The following ZCCHC9 variants were observed in gnomAD, a reference collection of about 807,000 sequenced individuals.
The protein encoded by ZCCHC9 is zinc finger CCHC domain-containing protein 9.
In ZCCHC9, 18 loss-of-function variants were observed where a neutral mutation model predicts 30.8. The observed-to-expected ratio is 0.58, with a 90% CI of 0.40 to 0.87. The LOEUF (loss-of-function observed/expected upper bound fraction) is 0.87. Ranked by LOEUF, ZCCHC9 falls within the 40% of genes least tolerant of loss-of-function variation. The pLI is 0.00. For missense variants in ZCCHC9, 279 were observed against 331.2 expected (o/e 0.84, Z 1.22); for synonymous variants, 94 against 106.7 (o/e 0.88, Z 0.73).
chr5:81,312,260 T>A (rs1758312781), intron 5 of ZCCHC9, among the ~76,000 whole-genome samples: 1 of 152,244 alleles, frequency 6.6e-6, no homozygotes, highest in Admixed American at 6.5e-5. Flanking sequence ...TCATTGACTC[T>A]GTAATGATGA....
Position 81,304,911 on chromosome 5 carries a change from G to T in ZCCHC9, c.154G>T (p.Asp52Tyr), listed in dbSNP as rs752926325. The T allele has an allele frequency of 6.2e-7, 1 of 1,613,888 alleles. No homozygotes were observed. The highest frequency in any genetic ancestry group is 8.5e-7 in the Non-Finnish European group (1 of 1,179,998). ...LEANRLSLKNDAPQAKHKKNK... is the reference protein window; with the variant it reads ...LEANRLSLKNYAPQAKHKKNK... The stretch of plus-strand genomic sequence containing the variant: ...AGCCAATAGGCTATCCCTCAAAAAT[G>T]ATGCACCCCAAGCAAAACATAAAAA... Residue 52 changes from aspartate (D) to tyrosine (Y), a missense_variant, in exon 2 of 6, where the codon GAT becomes TAT. Physicochemically the swap from Asp to Tyr is radical, Grantham distance 160. Coordinates refer to ENST00000407610, the MANE Select transcript of ZCCHC9 (RefSeq NM_001131035.2).
chr5:81,305,228 C>T (rs1196127220), intron 2 of ZCCHC9, 87 bp downstream of exon 2: 1 of 1,481,050 alleles, frequency 6.8e-7, no homozygotes, highest in African/African-American at 1.4e-5. Context: ...TTAGCCAGCT[C>T]TGGTTACCAT....
chr5:81,306,914 C>T (rs1256654694), intron 2 of ZCCHC9, among the ~76,000 whole-genome samples: 2 of 152,132 alleles, frequency 1.3e-5, no homozygotes, highest in Non-Finnish European at 2.9e-5. Flanking sequence ...GTAGCTTTTC[C>T]TGCATTTGTA....
chr5:81,310,293 C>T (rs1402759685), intron 4 of ZCCHC9, among the ~76,000 whole-genome samples: 4 of 151,732 alleles, frequency 2.6e-5, no homozygotes, highest in South Asian at 2.1e-4. Context: ...GGGCTTTCTG[C>T]GATTTGTTTT....
At position 81,311,993 on chromosome 5, in the gene ZCCHC9, T is replaced by G. The variant is rs374588868; in HGVS notation, c.698-551T>G. Among the ~76,000 whole-genome samples the G allele has an allele frequency of 5.3e-5, 8 of 152,340 alleles. No homozygotes were observed. In the East Asian group the frequency reaches 1.3e-3, roughly 26 times the overall value. On this transcript the variant is annotated intron_variant, in intron 5 of 5. Coordinates refer to ENST00000407610, the MANE Select transcript of ZCCHC9 (RefSeq NM_001131035.2). ...ACACTACGCAAATAAGTCTGCTCAT[T>G]CTTACTTCCTATCCCTAACATTTAA...
Position 81,308,571 on chromosome 5 carries a change from A to G in ZCCHC9, c.395A>G (p.His132Arg), listed in dbSNP as rs1343483337. ...GTTTTGTTTTCCTAGGTGTGTTTCC[A>G]TTGTAGAAAACCTGGTCATGGAATT... Reference protein sequence around the residue: ...AAKKNAMVCFHCRKPGHGIAD... With the variant: ...AAKKNAMVCFRCRKPGHGIAD... Residue 132 changes from histidine to arginine, a missense_variant, in exon 3 of 6, where the codon CAT (histidine) becomes CGT (arginine). His to Arg is a conservative substitution (Grantham distance 29). Coordinates refer to ENST00000407610, the MANE Select transcript of ZCCHC9 (RefSeq NM_001131035.2). 1.2e-6 allele frequency: 2 copies of G among 1,611,712 alleles called. No homozygotes were observed. The highest frequency in any genetic ancestry group is 2.2e-5 in the East Asian group (1 of 44,812).
At chr5:81,305,971 A>T (rs992852138) in intron 2 of ZCCHC9, among the ~76,000 whole-genome samples, 4 of 152,166 alleles carry the variant, frequency 2.6e-5, no homozygotes, top group African/African-American at 9.7e-5. Flanking sequence ...GTAATAGCAG[A>T]ATTGAAAGTC....
intron 2 of ZCCHC9, among the ~76,000 whole-genome samples, chr5:81,308,058 T>TATC (rs1561305989): frequency 1.4e-5 from 2 of 147,292 alleles, no homozygotes; most frequent in Non-Finnish European, 1.5e-5. Context: ...TCTATCTATC[T>TATC]TATGGTTTGA....
At chr5:81,306,061 C>G (rs6863732) in intron 2 of ZCCHC9, among the ~76,000 whole-genome samples, 70,647 of 151,986 alleles carry the variant, frequency 0.46, 17,256 homozygotes, top group African/African-American at 0.58. Flanking sequence ...GTTTCTTTCT[C>G]TAATGCCTAG....
Position 81,312,449 on chromosome 5 carries a change from A to G in ZCCHC9, c.698-95A>G, listed in dbSNP as rs751256600. ...GTCTTCCCTCCTTGTGATTATTCAT[A>G]TCAAAATGAGTTCCTTTCCCAAACC... On this transcript the variant is annotated intron_variant, in intron 5 of 5. Transcript: ENST00000407610. 1.4e-4 allele frequency: 134 copies of G among 929,836 alleles called. No individual in the cohort carries two copies. The Middle Eastern group carries it at 1.5e-3, about 11-fold the overall frequency. The allele number at this position is 929,836 out of a possible 1,614,324, so 57.6% of individuals were successfully genotyped here. A position where few individuals can be genotyped will look rare whatever the true frequency, so the allele number is the denominator to read the frequency against.
chr5:81,306,112 C>T (rs1256930934), intron 2 of ZCCHC9, among the ~76,000 whole-genome samples: 1 of 152,162 alleles, frequency 6.6e-6, no homozygotes, highest in East Asian at 1.9e-4. Flanking sequence ...GGATGAAATA[C>T]TTGGTATAAT....
intron 4 of ZCCHC9, among the ~76,000 whole-genome samples, chr5:81,310,071 T>C (rs1239867514): frequency 2.0e-5 from 3 of 151,170 alleles, no homozygotes; most frequent in African/African-American, 7.3e-5. Flanking sequence ...CTCAGGTGCA[T>C]TTCAGTTTTG....
rs368685227 is a variant in ZCCHC9, at chr5:81,308,521, A to G, written c.385-40A>G. 35 of 1,555,084 alleles carry G rather than the reference A, an allele frequency of 2.3e-5. No homozygotes were observed. In the African/African-American group the frequency reaches 3.7e-4, roughly 17 times the overall value. On this transcript the variant is annotated intron_variant, in intron 2 of 5. Coordinates refer to ENST00000407610, the MANE Select transcript of ZCCHC9 (RefSeq NM_001131035.2). ...AACAAGAATTAATAAAGTCACTGGT[A>G]TAGTTTTGCAGCGTGCCAACCTACG... is the stretch of plus-strand genomic sequence containing the variant.
chr5:81,301,975 G>A (rs534516616), intron 1 of ZCCHC9: 113 of 152,366 alleles, frequency 7.4e-4, no homozygotes, highest in African/African-American at 2.6e-3. Context: ...CACGTACGTA[G>A]GGGAAGGATA....
intron 4 of ZCCHC9, 177 bp downstream of exon 4, chr5:81,309,215 A>C: frequency 4.2e-6 from 2 of 472,788 alleles, no homozygotes; most frequent in Non-Finnish European, 7.3e-6. Flanking sequence ...ATTTGACTTC[A>C]GATGTTAATA....
intron 2 of ZCCHC9, 54 bp downstream of exon 2, chr5:81,305,195 TTA>T: frequency 6.5e-7 from 1 of 1,534,294 alleles, no homozygotes; most frequent in Non-Finnish European, 8.7e-7. Flanking sequence ...GAAACTATTC[TTA>T]TATTCACACA....
rs1243427753 is a variant in ZCCHC9, at chr5:81,311,281, T to C, written c.697+2T>C. Reference sequence around the variant, plus strand: ...ATTGCCCTGAAAGTCAGAATTCAGGTGAGATCTCTGGGCCTCTACTTAGAA... The same window carrying C: ...ATTGCCCTGAAAGTCAGAATTCAGGCGAGATCTCTGGGCCTCTACTTAGAA... On this transcript the variant is annotated splice_donor_variant, in intron 5 of 5. Transcript: ENST00000407610. LOFTEE classifies it high-confidence loss of function. 6.2e-6 allele frequency: 10 copies of C among 1,613,838 alleles called. No homozygotes were observed. Among genetic ancestry groups the C allele is most frequent in the Admixed American group, 1.7e-5 (1 of 60,002 alleles).
intron 2 of ZCCHC9, among the ~76,000 whole-genome samples, chr5:81,308,015 A>ATCT: frequency 2.3e-5 from 3 of 129,116 alleles, no homozygotes; most frequent in Non-Finnish European, 3.2e-5. Flanking sequence ...AAAAAAAAAA[A>ATCT]AAAAAAAATC....
intron 1 of ZCCHC9, chr5:81,304,067 G>C (rs114806142): frequency 2.1e-3 from 323 of 152,296 alleles, no homozygotes; most frequent in African/African-American, 7.1e-3. Context: ...ATAAAAACAA[G>C]ATACAGATTT....
Sources: gnomAD v4.1 joint callset for allele counts (sites outside exome capture counted in the v4.1 genomes callset) on GRCh38, gnomAD v4.1.1 for gene constraint, MANE v1.5 for transcripts, NCBI Gene and HGNC (gene_info 2026-07-23, HGNC 2026-07-21) for gene names.